The following HSPA12A variants were observed in gnomAD, a reference collection of about 807,000 sequenced individuals.
The protein encoded by HSPA12A is heat shock 70 kDa protein 12A.
Under a neutral mutation model 69.2 loss-of-function variants are expected in HSPA12A, and 28 were observed. The ratio of observed to expected loss-of-function variants is 0.40; its 90% CI spans 0.30 to 0.55. The LOEUF is 0.55. Among genes scored for constraint, HSPA12A ranks in the 20% least tolerant of loss-of-function variants. HSPA12A has a pLI of 0.38. For missense variants in HSPA12A, 686 were observed against 900.7 expected (o/e 0.76, Z 3.05); for synonymous variants, 345 against 370.5 (o/e 0.93, Z 0.79).
intron 2 of HSPA12A, among the ~76,000 whole-genome samples, chr10:116,753,414 G>A (rs1345100920): frequency 6.6e-6 from 1 of 152,214 alleles, no homozygotes; most frequent in Non-Finnish European, 1.5e-5. Context: ...CTGGGCTCAG[G>A]ATCCCTGGCT....
At chr10:116,824,024 T>C (rs908180507) in intron 2 of HSPA12A, among the ~76,000 whole-genome samples, 7 of 152,112 alleles carry the variant, frequency 4.6e-5, no homozygotes, top group Non-Finnish European at 8.8e-5. Flanking sequence ...GGGAGTTATA[T>C]CTAAAATATA....
At chr10:116,679,911 G>T in intron 9 of HSPA12A, 150 bp from the exon 10 acceptor site, 1 of 691,024 alleles carries the variant, frequency 1.4e-6, no homozygotes, top group Non-Finnish European at 2.4e-6. Flanking sequence ...AGAACCCTGC[G>T]CTGCTTCTCA....
intron 4 of HSPA12A, 68 bp downstream of exon 4, chr10:116,700,874 AC>A: frequency 1.3e-6 from 2 of 1,511,750 alleles, no homozygotes; most frequent in Non-Finnish European, 9.0e-7. Flanking sequence ...TCCCTTCCCC[AC>A]CCCAAGGCTG....
intron 2 of HSPA12A, among the ~76,000 whole-genome samples, chr10:116,824,626 T>A (rs1845466768): frequency 6.6e-6 from 1 of 152,088 alleles, no homozygotes; most frequent in African/African-American, 2.4e-5. Flanking sequence ...CACCACTTAG[T>A]GTTTTGTTTG....
intron 2 of HSPA12A, among the ~76,000 whole-genome samples, chr10:116,813,594 C>T (rs1007275708): frequency 1.3e-5 from 2 of 151,774 alleles, no homozygotes; most frequent in African/African-American, 4.8e-5. Context: ...ATTAAAAACT[C>T]TAAGCCAGGC....
At chr10:116,794,270 A>G (rs1008916641) in intron 2 of HSPA12A, among the ~76,000 whole-genome samples, 1 of 152,170 alleles carries the variant, frequency 6.6e-6, no homozygotes, top group African/African-American at 2.4e-5. Flanking sequence ...GTAAAAGATA[A>G]AGAGTATCAC....
intron 2 of HSPA12A, among the ~76,000 whole-genome samples, chr10:116,758,664 G>A (rs909256024): frequency 6.6e-6 from 1 of 152,192 alleles, no homozygotes; most frequent in Admixed American, 6.5e-5. Flanking sequence ...GTGCATTTTA[G>A]AGAGAGGGAA....
At chr10:116,715,060 C>T (rs1009613418) in intron 1 of HSPA12A, among the ~76,000 whole-genome samples, 1 of 152,176 alleles carries the variant, frequency 6.6e-6, no homozygotes, top group South Asian at 2.1e-4. Context: ...ACAGGTTTCT[C>T]CTAAAGATAA....
upstream of HSPA12A, among the ~76,000 whole-genome samples, chr10:116,742,871 C>T (rs1851562394): frequency 1.3e-5 from 2 of 152,102 alleles, no homozygotes; most frequent in East Asian, 3.9e-4. Flanking sequence ...GATTTCAGGC[C>T]CTCGGGGCCC....
At chr10:116,833,725 C>T (rs553024044) in intron 2 of HSPA12A, among the ~76,000 whole-genome samples, 113 of 152,252 alleles carry the variant, frequency 7.4e-4, no homozygotes, top group Non-Finnish European at 1.0e-3. Flanking sequence ...AAGCATTGAT[C>T]GGGATGCTTT....
intron 2 of HSPA12A, among the ~76,000 whole-genome samples, chr10:116,827,970 AT>A (rs1463593189): frequency 6.6e-6 from 1 of 152,176 alleles, no homozygotes; most frequent in East Asian, 1.9e-4. Flanking sequence ...GCTTACAGGC[AT>A]TTGTAAATTT....
intron 2 of HSPA12A, among the ~76,000 whole-genome samples, chr10:116,809,969 G>A (rs1449405996): frequency 2.6e-5 from 4 of 152,106 alleles, no homozygotes; most frequent in Admixed American, 6.6e-5. Flanking sequence ...GGGAAGACAC[G>A]GGTTGGTTTA....
rs1554880260 is a variant in HSPA12A, at chr10:116,692,424, ACAT to A, written c.587_589del (p.Asp196del). On this transcript the variant is annotated inframe_deletion, in exon 6 of 12. Transcript: ENST00000369209. ...GGCAGGCACCGTGATGACCCATCTG[ACAT>A]CAGAGTTCTCGAACTCCGAACCCGC... 1 of 1,614,122 alleles carries A rather than the reference ACAT, an allele frequency of 6.2e-7. No homozygotes were observed. Among genetic ancestry groups the A allele is most frequent in the South Asian group, 1.1e-5 (1 of 91,070 alleles).
At chr10:116,743,406 A>G (rs551972312), upstream of HSPA12A, among the ~76,000 whole-genome samples, 68 of 152,334 alleles carry the variant, frequency 4.5e-4, no homozygotes, top group African/African-American at 1.6e-3. Context: ...AGTAATAGGA[A>G]TCCGAGGAGC....
chr10:116,814,232 A>T (rs1462497384), intron 2 of HSPA12A, among the ~76,000 whole-genome samples: 1 of 152,246 alleles, frequency 6.6e-6, no homozygotes, highest in East Asian at 1.9e-4. Context: ...AGATCACTGA[A>T]TCAATAGAAA....
At chr10:116,763,133 T>C (rs1844007816) in intron 2 of HSPA12A, among the ~76,000 whole-genome samples, 1 of 152,130 alleles carries the variant, frequency 6.6e-6, no homozygotes, top group Non-Finnish European at 1.5e-5. Flanking sequence ...GTTTTGTTGC[T>C]GATGGTGACA....
intron 2 of HSPA12A, among the ~76,000 whole-genome samples, chr10:116,806,842 G>C (rs1019715407): frequency 1.3e-5 from 2 of 152,220 alleles, no homozygotes; most frequent in African/African-American, 4.8e-5. Flanking sequence ...CAAATCCCTG[G>C]AGCCTGTGAA....
At position 116,786,123 on chromosome 10, in the gene HSPA12A, C is replaced by T. The variant is rs1335311921; in HGVS notation, c.91+48812G>A. 5.9e-5 allele frequency among the ~76,000 whole-genome samples: 9 copies of T among 152,204 alleles called. No individual in the cohort carries two copies. The South Asian group carries it at 1.7e-3, about 28-fold the overall frequency. On this transcript the variant is annotated intron_variant, in intron 2 of 12. Coordinates refer to the HSPA12A transcript ENST00000635765. ...CCACGTGGAGCCTCTCGGGTAATTA[C>T]GCAGGAGATGGAGCGGGTTCTGCAG...
intron 2 of HSPA12A, among the ~76,000 whole-genome samples, chr10:116,796,145 CAAAAAAAA>C (rs10522145): frequency 9.0e-6 from 1 of 110,702 alleles, no homozygotes; most frequent in Non-Finnish European, 1.7e-5. Context: ...AAGACTCCAT[CAAAAAAAA>C]AAAAAAAAAA....
Sources: allele counts gnomAD v4.1 joint callset (sites outside exome capture counted in the v4.1 genomes callset), GRCh38; gene constraint gnomAD v4.1.1; transcripts MANE v1.5; gene names NCBI Gene and HGNC (gene_info 2026-07-23, HGNC 2026-07-21).